The following SGCZ variants were observed in gnomAD, a reference collection of about 807,000 sequenced individuals.
SGCZ encodes zeta-sarcoglycan.
A neutral mutation model predicts 41.3 loss-of-function variants in SGCZ; 40 were observed. The ratio of observed to expected loss-of-function variants is 0.97; its 90% CI spans 0.75 to 1.26. The LOEUF (loss-of-function observed/expected upper bound fraction) is 1.26, where lower values mean the gene tolerates loss of function less well. SGCZ is among the 50% of genes most tolerant of loss of function. The probability of loss-of-function intolerance (pLI) is 0.00; values close to 1 mark genes in which losing one functional copy is unlikely to be tolerated. For missense variants in SGCZ, 552 were observed against 369.8 expected (o/e 1.49, Z -4.04); for synonymous variants, 206 against 137.5 (o/e 1.50, Z -3.49).
chr8:14,295,984 G>A (rs1800998616), intron 3 of SGCZ, among the ~76,000 whole-genome samples: 1 of 152,168 alleles, frequency 6.6e-6, no homozygotes, highest in South Asian at 2.1e-4. Flanking sequence ...CTGGAGAACT[G>A]TGAGGTACAG....
At chr8:14,703,050 T>A (rs1809220610) in intron 1 of SGCZ, among the ~76,000 whole-genome samples, 1 of 151,950 alleles carries the variant, frequency 6.6e-6, no homozygotes, top group South Asian at 2.1e-4. Flanking sequence ...AAGTTTCCAT[T>A]ATTTTCCCTC....
At position 14,089,848 on chromosome 8, in the gene SGCZ, G is replaced by C. The variant is rs531865007; in HGVS notation, c.*595C>G. 1 of 152,320 alleles carries C rather than the reference G, an allele frequency of 6.6e-6. No individual in the cohort carries two copies. Among genetic ancestry groups the C allele is most frequent in the Admixed American group, 6.6e-5 (1 of 15,232 alleles). The allele number at this position is 152,320 out of a possible 1,614,324, so 9.4% of individuals were successfully genotyped here. A position where few individuals can be genotyped will look rare whatever the true frequency, so the allele number is the denominator to read the frequency against. On this transcript the variant is annotated 3_prime_UTR_variant, in exon 8 of 8. Transcript: ENST00000382080. Reference sequence around the variant, plus strand: ...AGAGTAACAGCACATTGAAATTAAAGAAACAGAAGGAAAACTCAGGGAGAG... The same window carrying C: ...AGAGTAACAGCACATTGAAATTAAACAAACAGAAGGAAAACTCAGGGAGAG...
intron 1 of SGCZ, among the ~76,000 whole-genome samples, chr8:15,103,433 A>AAATAAAT (rs1806693544): frequency 3.8e-5 from 3 of 79,534 alleles, no homozygotes; most frequent in Admixed American, 1.2e-4. Flanking sequence ...AATAAATAAA[A>AAATAAAT]GTAAATGAAG....
At chr8:14,904,414 T>A (rs1358632932) in intron 1 of SGCZ, among the ~76,000 whole-genome samples, 2 of 151,992 alleles carry the variant, frequency 1.3e-5, no homozygotes, top group Non-Finnish European at 2.9e-5. Context: ...AACATCTCAT[T>A]ATCAAAGAAT....
chr8:15,151,445 G>A (rs1316559722), intron 1 of SGCZ, among the ~76,000 whole-genome samples: 1 of 152,208 alleles, frequency 6.6e-6, no homozygotes, highest in Admixed American at 6.5e-5. Context: ...TGGGAGAAAT[G>A]TTCAAAAATA....
chr8:14,817,736 C>A (rs1053240721), intron 1 of SGCZ, among the ~76,000 whole-genome samples: 2 of 152,188 alleles, frequency 1.3e-5, no homozygotes, highest in African/African-American at 4.8e-5. Flanking sequence ...TGCTAAATAG[C>A]CAGCTGACTG....
chr8:14,499,376 C>A (rs181198954), intron 2 of SGCZ, among the ~76,000 whole-genome samples: 12 of 151,982 alleles, frequency 7.9e-5, no homozygotes, highest in Non-Finnish European at 1.3e-4. Context: ...CATAAATTTT[C>A]TTTTGCATCA....
intron 1 of SGCZ, among the ~76,000 whole-genome samples, chr8:14,556,897 A>C (rs191691078): frequency 6.6e-6 from 1 of 152,112 alleles, no homozygotes; most frequent in East Asian, 1.9e-4. Flanking sequence ...ATAAACATGA[A>C]AGTGAAGTAT....
intron 1 of SGCZ, among the ~76,000 whole-genome samples, chr8:15,031,200 T>G (rs1210305413): frequency 6.6e-6 from 1 of 152,116 alleles, no homozygotes; most frequent in East Asian, 1.9e-4. Context: ...TGTTATTAAT[T>G]TTAAAAAATT....
chr8:14,820,841 GA>G (rs1459498264), intron 1 of SGCZ, among the ~76,000 whole-genome samples: 1 of 149,524 alleles, frequency 6.7e-6, no homozygotes, highest in Non-Finnish European at 1.5e-5. Context: ...GCATTCCTAA[GA>G]GGGAGGTTAG....
chr8:15,122,657 ATGT>A (rs1807526096), intron 1 of SGCZ, among the ~76,000 whole-genome samples: 1 of 152,178 alleles, frequency 6.6e-6, no homozygotes, highest in Non-Finnish European at 1.5e-5. Flanking sequence ...TGCCTTATTG[ATGT>A]TATCTAATTT....
At chr8:15,166,681 G>A (rs1042096673) in intron 1 of SGCZ, among the ~76,000 whole-genome samples, 2 of 152,170 alleles carry the variant, frequency 1.3e-5, no homozygotes, top group African/African-American at 4.8e-5. Context: ...TTAAGATATT[G>A]TAAACAACAG....
chr8:15,029,142 T>C (rs1198355090), intron 1 of SGCZ, among the ~76,000 whole-genome samples: 1 of 152,020 alleles, frequency 6.6e-6, no homozygotes, highest in Admixed American at 6.6e-5. Context: ...ATATATAAAA[T>C]GCATATGCTA....
intron 2 of SGCZ, among the ~76,000 whole-genome samples, chr8:14,485,282 G>A (rs111303173): frequency 5.3e-5 from 8 of 152,138 alleles, no homozygotes; most frequent in Admixed American, 1.3e-4. Flanking sequence ...CCCTGCCCCC[G>A]CTGGAATGCA....
At chr8:14,893,821 A>G (rs1267108915) in intron 1 of SGCZ, among the ~76,000 whole-genome samples, 1 of 152,206 alleles carries the variant, frequency 6.6e-6, no homozygotes, top group Non-Finnish European at 1.5e-5. Flanking sequence ...AACATCACTA[A>G]TAATCACTTC....
intron 4 of SGCZ, among the ~76,000 whole-genome samples, chr8:14,224,619 G>A (rs1407426857): frequency 2.0e-5 from 3 of 152,150 alleles, no homozygotes; most frequent in Non-Finnish European, 4.4e-5. Flanking sequence ...TACGCAGAAA[G>A]ACAGAAAAAC....
intron 3 of SGCZ, among the ~76,000 whole-genome samples, chr8:14,302,051 G>A (rs1303279177): frequency 6.6e-6 from 1 of 152,050 alleles, no homozygotes; most frequent in Non-Finnish European, 1.5e-5. Flanking sequence ...CACACATTGT[G>A]ACCTAAAAAG....
At chr8:15,145,019 G>C (rs1799000613) in intron 1 of SGCZ, among the ~76,000 whole-genome samples, 1 of 152,158 alleles carries the variant, frequency 6.6e-6, no homozygotes, top group South Asian at 2.1e-4. Context: ...TAGCCCTGTA[G>C]ATTGTTCTCC....
chr8:14,429,748 G>A (rs924842726), intron 2 of SGCZ, among the ~76,000 whole-genome samples: 2 of 151,140 alleles, frequency 1.3e-5, no homozygotes, highest in East Asian at 2.0e-4. Flanking sequence ...GTGTGATCTC[G>A]GCCAGCATAT....
Sources: gnomAD v4.1 joint callset for allele counts (sites outside exome capture counted in the v4.1 genomes callset) on GRCh38, gnomAD v4.1.1 for gene constraint, MANE v1.5 for transcripts, NCBI Gene and HGNC (gene_info 2026-07-23, HGNC 2026-07-21) for gene names.